The following LIG3 variants were observed in gnomAD, a reference collection of about 807,000 sequenced individuals.
LIG3 encodes DNA ligase 3.
Under a neutral mutation model 110.9 loss-of-function variants are expected in LIG3, and 58 were observed. That is an observed-to-expected ratio of 0.52 (90% CI 0.42 to 0.65). The LOEUF (loss-of-function observed/expected upper bound fraction) is 0.65, where lower values mean the gene tolerates loss of function less well. Ranked by LOEUF, LIG3 falls within the 30% of genes least tolerant of loss-of-function variation. LIG3 has a pLI of 0.00. For missense variants in LIG3, 1,094 were observed against 1,273.8 expected (o/e 0.86, Z 2.15); for synonymous variants, 422 against 472.8 (o/e 0.89, Z 1.39).
At position 35,005,667 on chromosome 17, in the gene LIG3, G is replaced by A. The variant is rs181662040; in HGVS notation, c.*1161G>A. On this transcript the variant is annotated 3_prime_UTR_variant, in exon 20 of 20. Coordinates refer to ENST00000378526, the MANE Select transcript of LIG3 (RefSeq NM_013975.4). ...TTTTTTTCTTCTATTCATTGGATTC[G>A]TCTGTGTCCTACTGAGTTTTTTCAT... 7.6e-5 allele frequency: 43 copies of A among 565,720 alleles called. No individual in the cohort carries two copies. The highest frequency in any genetic ancestry group is 6.4e-4 in the East Asian group (14 of 21,878). 35.0% of individuals were successfully genotyped at this position (565,720 alleles called of 1,614,324 possible). A position where few individuals can be genotyped will look rare whatever the true frequency, so the allele number is the denominator to read the frequency against.
At chr17:34,995,922 C>T in intron 9 of LIG3, 142 bp from the exon 10 acceptor site, 1 of 1,035,568 alleles carries the variant, frequency 9.7e-7, no homozygotes, top group Non-Finnish European at 1.4e-6. Context: ...CTCGCAAGGC[C>T]TAGCTATATG....
intron 19 of LIG3, chr17:35,003,226 A>C: frequency 2.2e-6 from 3 of 1,389,666 alleles, no homozygotes; most frequent in East Asian, 2.6e-5. Context: ...TGGCTTGGTG[A>C]CTCTCCTCCC....
intron 7 of LIG3, 44 bp downstream of exon 7, chr17:34,992,079 CTTTG>C (rs779334277): frequency 1.9e-5 from 29 of 1,563,280 alleles, no homozygotes; most frequent in Admixed American, 6.7e-5. Context: ...CATTTGTTAG[CTTTG>C]TTTGTTCCCA....
chr17:34,998,462 T>C (rs2090803878), intron 13 of LIG3, 142 bp from the exon 14 acceptor site: 2 of 1,144,270 alleles, frequency 1.7e-6, no homozygotes, highest in African/African-American at 3.1e-5. Context: ...GCTTTGTGTG[T>C]CTCCTATAGT....
Position 34,996,197 on chromosome 17 carries a change from T to C in LIG3, c.1743+2T>C, listed in dbSNP as rs2090775609. On this transcript the variant is annotated splice_donor_variant, in intron 10 of 19. Coordinates refer to ENST00000378526, the MANE Select transcript of LIG3 (RefSeq NM_013975.4). LOFTEE classifies it high-confidence loss of function. ...TTTGGGACTCTGGGAGTACACAAGG[T>C]ACTAGCTCAGGGCCATATGTGCAAG... The C allele has an allele frequency of 3.1e-6, 5 of 1,613,960 alleles. No individual in the cohort carries two copies. The highest frequency in any genetic ancestry group is 3.4e-6 in the Non-Finnish European group (4 of 1,179,948).
rs375260860 is a variant in LIG3, at chr17:34,991,840, G to C, written c.1208+3G>C. Reference sequence around the variant, plus strand: ...GCCCTACAGGACATTGCCTCCAGGTGGGGGAGCTGCCTCCGTCAAACCATG... The same window carrying C: ...GCCCTACAGGACATTGCCTCCAGGTCGGGGAGCTGCCTCCGTCAAACCATG... On this transcript the variant is annotated splice_donor_region_variant and intron_variant, in intron 6 of 19. Coordinates refer to ENST00000378526, the MANE Select transcript of LIG3 (RefSeq NM_013975.4). 17 of 1,613,894 alleles carry C rather than the reference G, an allele frequency of 1.1e-5. No homozygotes were observed. Among genetic ancestry groups the C allele is most frequent in the Admixed American group, 1.7e-5 (1 of 59,996 alleles).
chr17:34,999,151 A>G, intron 14 of LIG3, 156 bp from the exon 15 acceptor site: 1 of 808,200 alleles, frequency 1.2e-6, no homozygotes, highest in Non-Finnish European at 1.9e-6. Flanking sequence ...TGGGGCTTAT[A>G]AAGGTTAAAA....
At chr17:34,991,867 C>T (rs1238727784) in intron 6 of LIG3, 30 bp downstream of exon 6, 1 of 1,613,830 alleles carries the variant, frequency 6.2e-7, no homozygotes, top group Non-Finnish European at 8.5e-7. Flanking sequence ...CAAACCATGC[C>T]CATAGAGAGA....
Position 35,005,292 on chromosome 17 carries a change from C to A in LIG3, c.*786C>A, listed in dbSNP as rs1395504945. 2 of 537,744 alleles carry A rather than the reference C, an allele frequency of 3.7e-6. No homozygotes were observed. The highest frequency in any genetic ancestry group is 3.9e-5 in the Admixed American group (2 of 51,578). The allele number at this position is 537,744 out of a possible 1,614,324, so 33.3% of individuals were successfully genotyped here. On this transcript the variant is annotated 3_prime_UTR_variant, in exon 20 of 20. Transcript: ENST00000378526. ...TTGAGGCCAAGAACAGCCCTTGTTG[C>A]CACCAACATGGAGACTTTGTACCAT...
chr17:34,994,786 A>AC lies in LIG3; in HGVS notation c.1611+357dup, dbSNP rs138857168. ...CTGTGAGCTAGACTAAGGCTTATAT[A>AC]CCAGGGGCTATTGGGCTGTCATTCA... On this transcript the variant is annotated intron_variant, in intron 9 of 19. Coordinates refer to ENST00000378526, the MANE Select transcript of LIG3 (RefSeq NM_013975.4). Among the ~76,000 whole-genome samples the AC allele has an allele frequency of 7.4e-3, 1,131 of 152,242 alleles. 10 individuals carry two copies. The highest frequency in any genetic ancestry group is 0.026 in the African/African-American group (1,093 of 41,540).
intron 7 of LIG3, 99 bp downstream of exon 7, chr17:34,992,134 C>A (rs571279023): frequency 1.0e-6 from 1 of 984,256 alleles, no homozygotes; most frequent in Non-Finnish European, 1.6e-6. Context: ...GGATTTGAAT[C>A]CCCCTTCCAC....
intron 9 of LIG3, among the ~76,000 whole-genome samples, chr17:34,995,815 T>C (rs116027368): frequency 1.3e-5 from 2 of 152,198 alleles, no homozygotes; most frequent in African/African-American, 4.8e-5. Context: ...TTGTACCTTC[T>C]CTACAGCCCA....
rs111958156 is a variant in LIG3, at chr17:34,992,569, G to A, written c.1332G>A (p.Ser444=). The change falls in exon 8 of 20, where the codon TCG becomes TCA. Residue 444 remains serine, a synonymous_variant. Coordinates refer to ENST00000378526, the MANE Select transcript of LIG3 (RefSeq NM_013975.4). ...DPNAYEAFKA[S]RNLQDVVERV... ...ATGCCTATGAAGCCTTCAAAGCCTC[G>A]CGCAACCTGCAGGATGTGGTGGAGC... is the stretch of plus-strand genomic sequence containing the variant. The A allele has an allele frequency of 3.0e-4, 485 of 1,613,086 alleles. 2 individuals carry two copies. The highest frequency in any genetic ancestry group is 3.9e-4 in the Non-Finnish European group (459 of 1,179,522).
intron 14 of LIG3, 115 bp downstream of exon 14, chr17:34,998,842 GTCCTAGGA>G: frequency 7.5e-7 from 1 of 1,341,138 alleles, no homozygotes; most frequent in African/African-American, 1.5e-5. Flanking sequence ...GACTTCCGAA[GTCCTAGGA>G]TCTAGGGCCC....
chr17:34,985,923 C>T, intron 2 of LIG3, 65 bp from the exon 3 acceptor site: 2 of 1,542,322 alleles, frequency 1.3e-6, no homozygotes, highest in Non-Finnish European at 1.8e-6. Flanking sequence ...TTGATAGATT[C>T]TTTGGATGTT....
At chr17:34,991,372 C>T (rs2090719068) in intron 5 of LIG3, 1 of 563,626 alleles carries the variant, frequency 1.8e-6, no homozygotes. Context: ...TGAGACTTGC[C>T]CCCTCTGTCT....
At position 34,998,613 on chromosome 17, in the gene LIG3, G is replaced by A. The variant is rs754626133; in HGVS notation, c.1999G>A (p.Glu667Lys). 6.2e-7 allele frequency: 1 copy of A among 1,614,134 alleles called. No individual in the cohort carries two copies. The part of the protein sequence containing the change: ...LVLKDVKGTY[E>K]PGKRHWLKVK... The stretch of plus-strand genomic sequence containing the variant: ...TTTTGCTTCCCTTCAGGGTACATAT[G>A]AGCCTGGGAAGCGGCACTGGCTGAA... Residue 667 changes from glutamate to lysine, a missense_variant, in exon 14 of 20, where the codon GAG (glutamate) becomes AAG (lysine). By Grantham distance (56) the Glu-to-Lys change is moderately conservative. Coordinates refer to ENST00000378526, the MANE Select transcript of LIG3 (RefSeq NM_013975.4).
chr17:35,000,496 G>A (rs909377554), intron 16 of LIG3, among the ~76,000 whole-genome samples: 4 of 152,066 alleles, frequency 2.6e-5, no homozygotes, highest in African/African-American at 9.7e-5. Context: ...GACCTCAGGT[G>A]ACCTGCCCGC....
At position 34,989,614 on chromosome 17, in the gene LIG3, C is replaced by T. The variant is rs774706198; in HGVS notation, c.840C>T (p.Asn280=). The part of the protein sequence containing the change: ...CAMVADNPSY[N]TKTQIIQDFL... ...TGGTGGCCGATAATCCTAGCTACAA[C>T]ACGAAGACCCAGATCATCCAGGACT... The change falls in exon 4 of 20, where the codon AAC becomes AAT. Residue 280 remains asparagine (N), a synonymous_variant. Coordinates refer to ENST00000378526, the MANE Select transcript of LIG3 (RefSeq NM_013975.4). 5.0e-6 allele frequency: 8 copies of T among 1,614,122 alleles called. No individual in the cohort carries two copies. In the South Asian group the frequency reaches 7.7e-5, roughly 16 times the overall value.
Sources: allele counts gnomAD v4.1 joint callset (sites outside exome capture counted in the v4.1 genomes callset), GRCh38; gene constraint gnomAD v4.1.1; transcripts MANE v1.5; gene names NCBI Gene and HGNC (gene_info 2026-07-23, HGNC 2026-07-21).